The following SLC7A2 variants were observed in gnomAD, a reference collection of about 807,000 sequenced individuals.
SLC7A2 encodes the protein cationic amino acid transporter 2.
In SLC7A2, 48 loss-of-function variants were observed where a neutral mutation model predicts 58.9. The observed-to-expected ratio is 0.82, with a 90% CI of 0.65 to 1.04. The LOEUF (loss-of-function observed/expected upper bound fraction) is 1.04. Among genes scored for constraint, SLC7A2 ranks in the 50% least tolerant of loss-of-function variants. The probability of loss-of-function intolerance (pLI) is 0.00; values close to 1 mark genes in which losing one functional copy is unlikely to be tolerated. For missense variants in SLC7A2, 1,029 were observed against 818.8 expected (o/e 1.26, Z -3.13); for synonymous variants, 363 against 314.5 (o/e 1.15, Z -1.63).
intron 2 of SLC7A2, among the ~76,000 whole-genome samples, chr8:17,503,213 G>C (rs1384402821): frequency 1.3e-5 from 2 of 151,898 alleles, no homozygotes; most frequent in African/African-American, 4.8e-5. Context: ...ACCACGCCCG[G>C]CTAATTTTTT....
upstream of SLC7A2, among the ~76,000 whole-genome samples, chr8:17,496,549 C>A (rs1382947002): frequency 6.6e-6 from 1 of 152,154 alleles, no homozygotes; most frequent in Non-Finnish European, 1.5e-5. Flanking sequence ...AAACCCACCC[C>A]CAAACAATCG....
chr8:17,563,841 C>G (rs1399114870), intron 12 of SLC7A2, 130 bp downstream of exon 12: 2 of 632,968 alleles, frequency 3.2e-6, no homozygotes, highest in Non-Finnish European at 5.6e-6. Flanking sequence ...TTAGGGATGT[C>G]CGAGTGCTTT....
chr8:17,495,857 T>C (rs1799944645), upstream of SLC7A2, among the ~76,000 whole-genome samples: 1 of 152,224 alleles, frequency 6.6e-6, no homozygotes, highest in Non-Finnish European at 1.5e-5. Context: ...GCCTACACTT[T>C]CACTTTTTGA....
intron 2 of SLC7A2, among the ~76,000 whole-genome samples, chr8:17,503,620 A>G (rs951312772): frequency 2.6e-5 from 4 of 151,030 alleles, no homozygotes; most frequent in African/African-American, 9.8e-5. Context: ...CGCGGCGCTC[A>G]TAGTTCGCAG....
intron 2 of SLC7A2, among the ~76,000 whole-genome samples, chr8:17,518,978 A>G (rs1800909679): frequency 6.6e-6 from 1 of 152,262 alleles, no homozygotes; most frequent in Middle Eastern, 3.4e-3. Flanking sequence ...TAGAGAGAGA[A>G]CACCAGCTCT....
intron 2 of SLC7A2, among the ~76,000 whole-genome samples, chr8:17,521,086 A>G (rs181349370): frequency 6.6e-6 from 1 of 152,286 alleles, no homozygotes; most frequent in African/African-American, 2.4e-5. Flanking sequence ...TGATTAGGCT[A>G]ATATATGTAA....
intron 2 of SLC7A2, among the ~76,000 whole-genome samples, chr8:17,523,747 A>G (rs567331459): frequency 1.6e-4 from 25 of 152,172 alleles, no homozygotes; most frequent in Non-Finnish European, 5.9e-5. Context: ...TGCAGCAAAA[A>G]CAAAGATAAC....
rs1803219176 is a variant in SLC7A2 at position 17,565,344 on chromosome 8, T to G, written c.*198T>G. ...ACGGGGAAACCTCCTGAGTGGAAGT[T>G]TCATTCATCAGTGATGAATAGCCCC... On this transcript the variant is annotated 3_prime_UTR_variant, in exon 13 of 13. Coordinates refer to ENST00000494857, the MANE Select transcript of SLC7A2 (RefSeq NM_001370338.1). 3.6e-6 allele frequency: 2 copies of G among 556,854 alleles called. No individual in the cohort carries two copies. The highest frequency in any genetic ancestry group is 4.6e-5 in the South Asian group (2 of 43,030). 34.5% of individuals were successfully genotyped at this position (556,854 alleles called of 1,614,324 possible).
intron 1 of SLC7A2, among the ~76,000 whole-genome samples, chr8:17,500,799 TACACACACACACACACACAC>T (rs60002166): frequency 3.6e-4 from 52 of 146,126 alleles, no homozygotes; most frequent in African/African-American, 1.0e-3. Flanking sequence ...AACACACACA[TACACACACACACACACACAC>T]ACACACACAC....
chr8:17,566,028 C>A lies in SLC7A2; in HGVS notation c.*882C>A, dbSNP rs35210464. The A allele has an allele frequency of 6.6e-6, 1 of 152,018 alleles. No individual in the cohort carries two copies. The highest frequency in any genetic ancestry group is 1.5e-5 in the Non-Finnish European group (1 of 68,012). The allele number at this position is 152,018 out of a possible 1,614,324, so 9.4% of individuals were successfully genotyped here. ...AGGGCCAGAAAGCTCATGGAGTGGCCGTAATGAGAATATGTTTGAAGATCA... is the reference window on the plus strand; with the variant it reads ...AGGGCCAGAAAGCTCATGGAGTGGCAGTAATGAGAATATGTTTGAAGATCA... On this transcript the variant is annotated 3_prime_UTR_variant, in exon 13 of 13. Transcript: ENST00000494857.
upstream of SLC7A2, among the ~76,000 whole-genome samples, chr8:17,496,256 A>G (rs1269902468): frequency 6.6e-6 from 1 of 152,150 alleles, no homozygotes; most frequent in African/African-American, 2.4e-5. Context: ...CAGGAGGTCG[A>G]GGCTGCAGTG....
chr8:17,564,085 ACAGT>A (rs1803152864), intron 12 of SLC7A2, among the ~76,000 whole-genome samples: 1 of 152,184 alleles, frequency 6.6e-6, no homozygotes. Flanking sequence ...TGATCCCCAC[ACAGT>A]CAGTGTGGCT....
In SLC7A2 at chr8:17,570,097, A is replaced by G. The variant is rs1400230331; in HGVS notation, c.*4951A>G. 1 of 152,182 alleles carries G rather than the reference A, an allele frequency of 6.6e-6. No individual in the cohort carries two copies. Among genetic ancestry groups the G allele is most frequent in the Non-Finnish European group, 1.5e-5 (1 of 68,044 alleles). The allele number at this position is 152,182 out of a possible 1,614,324, so 9.4% of individuals were successfully genotyped here. On this transcript the variant is annotated 3_prime_UTR_variant, in exon 13 of 13. Transcript: ENST00000494857. Reference sequence around the variant, plus strand: ...GGCTGGCTGAATCCTGAAGTAGCATAGTGGGACCTGGTCTACAATTTATGC... The same window carrying G: ...GGCTGGCTGAATCCTGAAGTAGCATGGTGGGACCTGGTCTACAATTTATGC...
At chr8:17,564,750 C>G (rs1277256490) in intron 12 of SLC7A2, among the ~76,000 whole-genome samples, 200 bp from the exon 13 acceptor site, 6 of 152,132 alleles carry the variant, frequency 3.9e-5, no homozygotes, top group Admixed American at 3.3e-4. Flanking sequence ...ATACTAGAGA[C>G]TGCTTGCTCA....
At chr8:17,530,325 G>A (rs1389240697) in intron 2 of SLC7A2, among the ~76,000 whole-genome samples, 1 of 152,124 alleles carries the variant, frequency 6.6e-6, no homozygotes, top group Non-Finnish European at 1.5e-5. Flanking sequence ...GAGGGCAAGG[G>A]GGCAAGGTGG....
At chr8:17,514,689 A>G (rs1800732657) in intron 2 of SLC7A2, among the ~76,000 whole-genome samples, 2 of 152,292 alleles carry the variant, frequency 1.3e-5, no homozygotes, top group East Asian at 3.9e-4. Context: ...CTATCATTTG[A>G]TTCAGCCAAA....
intron 2 of SLC7A2, among the ~76,000 whole-genome samples, chr8:17,534,694 G>GAAAAAAAAAAAAAAAAA (rs34390459): frequency 7.8e-6 from 1 of 128,358 alleles, no homozygotes; most frequent in Non-Finnish European, 1.6e-5. Flanking sequence ...GTTTCAAATG[G>GAAAAAAAAAAAAAAAAA]AAAAAAAAAA....
intron 5 of SLC7A2, among the ~76,000 whole-genome samples, chr8:17,549,450 G>T (rs571592021): frequency 6.6e-6 from 1 of 152,218 alleles, no homozygotes; most frequent in Non-Finnish European, 1.5e-5. Context: ...CTCAAGCTCT[G>T]CTCCGGGTTT....
At chr8:17,540,954 A>T (rs1056788436) in intron 2 of SLC7A2, among the ~76,000 whole-genome samples, 2 of 152,186 alleles carry the variant, frequency 1.3e-5, no homozygotes, top group Non-Finnish European at 2.9e-5. Flanking sequence ...AGGTTAATTA[A>T]GTACTCCACC....
Sources: allele counts gnomAD v4.1 joint callset (sites outside exome capture counted in the v4.1 genomes callset), GRCh38; gene constraint gnomAD v4.1.1; transcripts MANE v1.5; gene names NCBI Gene and HGNC (gene_info 2026-07-23, HGNC 2026-07-21).